Variants in ERICH3 observed in about 807,000 individuals in gnomAD.
ERICH3 encodes the protein glutamate rich 3, also known as glutamate-rich protein 3.
Under a neutral mutation model 131.1 loss-of-function variants are expected in ERICH3, and 126 were observed. That is an observed-to-expected ratio of 0.96 (90% CI 0.83 to 1.11). The LOEUF is 1.11. Ranked by LOEUF, ERICH3 falls within the 50% of genes most tolerant of loss-of-function variation. The probability of loss-of-function intolerance (pLI) is 0.00; values close to 1 mark genes in which losing one functional copy is unlikely to be tolerated. For synonymous variants in ERICH3, 695 were observed against 644.6 expected, an observed-to-expected ratio of 1.08 and a Z score of -1.18; for missense variants, 2,050 against 1,810.7, an observed-to-expected ratio of 1.13 and a Z score of -2.40.
At chr1:74,635,725 A>C (rs1178827356) in intron 6 of ERICH3, among the ~76,000 whole-genome samples, 1 of 152,126 alleles carries the variant, frequency 6.6e-6, no homozygotes. Context: ...AATAAGGGAA[A>C]ATTATCTGAG....
intron 1 of ERICH3, among the ~76,000 whole-genome samples, chr1:74,666,614 G>A (rs960542614): frequency 6.6e-6 from 1 of 152,146 alleles, no homozygotes; most frequent in Non-Finnish European, 1.5e-5. Flanking sequence ...TGAAGGATGT[G>A]TTTCTTTACT....
intron 1 of ERICH3, among the ~76,000 whole-genome samples, chr1:74,671,306 G>C (rs1181552156): frequency 6.6e-6 from 1 of 151,932 alleles, no homozygotes; most frequent in Non-Finnish European, 1.5e-5. Flanking sequence ...TTCTGCTTTT[G>C]CCCTTTGTCC....
At chr1:74,583,825 C>T (rs1477917397) in intron 12 of ERICH3, among the ~76,000 whole-genome samples, 1 of 152,122 alleles carries the variant, frequency 6.6e-6, no homozygotes, top group Non-Finnish European at 1.5e-5. Flanking sequence ...TTTTACATTT[C>T]CTATCGTGTA....
Position 74,570,299 on chromosome 1 carries a change from A to C in ERICH3, c.*159T>G, listed in dbSNP as rs1379056225. ...CAAGGTGCTTACTGAGCTACTGACC[A>C]GGGCTGACAGATTGGGAATCATCTC... On this transcript the variant is annotated 3_prime_UTR_variant, in exon 15 of 15. Transcript: ENST00000326665. 1 of 152,256 alleles carries C rather than the reference A, an allele frequency of 6.6e-6. No individual in the cohort carries two copies. Among genetic ancestry groups the C allele is most frequent in the Non-Finnish European group, 1.5e-5 (1 of 68,044 alleles). The allele number at this position is 152,256 out of a possible 1,614,324, so 9.4% of individuals were successfully genotyped here.
intron 10 of ERICH3, among the ~76,000 whole-genome samples, chr1:74,601,017 G>A (rs1472561458): frequency 6.6e-6 from 1 of 151,532 alleles, no homozygotes; most frequent in Non-Finnish European, 1.5e-5. Flanking sequence ...AAATACAGAG[G>A]ATGAGGGAGA....
rs776706285 is a variant in ERICH3, at chr1:74,636,253, A to G, written c.603+27T>C. ...TAATAATCTACTCAAAAATTAAAAT[A>G]TATTTATTGATAAAAATAACATTTA... On this transcript the variant is annotated intron_variant, in intron 6 of 14. Transcript: ENST00000326665. 6 of 1,540,490 alleles carry G rather than the reference A, an allele frequency of 3.9e-6. No individual in the cohort carries two copies. In the South Asian group the frequency reaches 7.5e-5, roughly 19 times the overall value.
chr1:74,641,761 C>T (rs921424596), intron 4 of ERICH3, among the ~76,000 whole-genome samples: 4 of 151,984 alleles, frequency 2.6e-5, no homozygotes, highest in African/African-American at 7.3e-5. Context: ...AGTAGACTAC[C>T]AGAAATAGTA....
intron 11 of ERICH3, among the ~76,000 whole-genome samples, chr1:74,591,343 G>A (rs1303357225): frequency 6.6e-6 from 1 of 152,160 alleles, no homozygotes; most frequent in Non-Finnish European, 1.5e-5. Flanking sequence ...GATCCCATGG[G>A]CACTTCTGAC....
intron 12 of ERICH3, among the ~76,000 whole-genome samples, chr1:74,580,395 A>G (rs993098687): frequency 6.6e-6 from 1 of 152,196 alleles, no homozygotes; most frequent in Non-Finnish European, 1.5e-5. Context: ...TTTAAACACT[A>G]CTTATAATCA....
In ERICH3 at chr1:74,615,050, G is replaced by A. The variant is rs567317470; in HGVS notation, c.1001-2241C>T. Among the ~76,000 whole-genome samples the A allele has an allele frequency of 5.9e-5, 9 of 152,300 alleles. No homozygotes were observed. In the East Asian group the frequency reaches 1.7e-3, roughly 29 times the overall value. ...AAAGGGCTCAGGAAATCAACCCCTA[G>A]AAGTGACTGCCCTTCCATCGGATGC... On this transcript the variant is annotated intron_variant, in intron 8 of 14. Coordinates refer to ENST00000326665, the MANE Select transcript of ERICH3 (RefSeq NM_001002912.5).
At chr1:74,659,025 T>C (rs1646613767) in intron 1 of ERICH3, among the ~76,000 whole-genome samples, 1 of 152,156 alleles carries the variant, frequency 6.6e-6, no homozygotes. Context: ...GCCTGTGCTC[T>C]GAAAGGAAAA....
chr1:74,664,018 A>T (rs1294655586), intron 1 of ERICH3, among the ~76,000 whole-genome samples: 1 of 152,142 alleles, frequency 6.6e-6, no homozygotes, highest in East Asian at 1.9e-4. Flanking sequence ...TGCAATTTAC[A>T]TGGGAGATAT....
intron 12 of ERICH3, chr1:74,589,375 C>T (rs2100560361): frequency 1.8e-6 from 1 of 545,548 alleles, no homozygotes; most frequent in Non-Finnish European, 3.2e-6. Flanking sequence ...AGATGGAATT[C>T]CCATAGGAGG....
At chr1:74,591,827 A>G (rs1283812045) in intron 11 of ERICH3, 1 of 152,118 alleles carries the variant, frequency 6.6e-6, no homozygotes, top group Non-Finnish European at 1.5e-5. Flanking sequence ...TGTTTTTTTT[A>G]TACTTCCAAA....
At chr1:74,654,463 G>C (rs543808534) in intron 1 of ERICH3, among the ~76,000 whole-genome samples, 1 of 152,072 alleles carries the variant, frequency 6.6e-6, no homozygotes. Context: ...CCATAGCCTA[G>C]GTAGCTTAAA....
chr1:74,636,923 A>G (rs1451511793), intron 5 of ERICH3, among the ~76,000 whole-genome samples: 1 of 152,246 alleles, frequency 6.6e-6, no homozygotes, highest in Non-Finnish European at 1.5e-5. Context: ...AGACAGTATA[A>G]TTCAAACAAA....
chr1:74,614,367 T>TA (rs58516429), intron 8 of ERICH3, among the ~76,000 whole-genome samples: 7,127 of 114,868 alleles, frequency 0.062, 261 homozygotes, highest in Middle Eastern at 0.12. Flanking sequence ...ATTTTTTCCC[T>TA]AAAAAAAAAA....
In ERICH3 at chr1:74,580,288, T is replaced by C. The variant is rs375839214; in HGVS notation, c.2177-3352A>G. Among the ~76,000 whole-genome samples the C allele has an allele frequency of 1.9e-4, 29 of 152,116 alleles. 1 individual carries two copies. In the East Asian group the frequency reaches 4.8e-3, roughly 25 times the overall value. Reference sequence around the variant, plus strand: ...TCATTAAATTTAAAAGACTCTTCAATAACACATAAAACATTATAATAAAGT... The same window carrying C: ...TCATTAAATTTAAAAGACTCTTCAACAACACATAAAACATTATAATAAAGT... On this transcript the variant is annotated intron_variant, in intron 12 of 14. Transcript: ENST00000326665.
At chr1:74,672,470 T>C (rs1449819748) in intron 1 of ERICH3, among the ~76,000 whole-genome samples, 1 of 152,224 alleles carries the variant, frequency 6.6e-6, no homozygotes, top group Non-Finnish European at 1.5e-5. Context: ...TTTACGCCAT[T>C]ACACTCAGAG....
Sources: gnomAD v4.1 joint callset for allele counts (sites outside exome capture counted in the v4.1 genomes callset) on GRCh38, gnomAD v4.1.1 for gene constraint, MANE v1.5 for transcripts, NCBI Gene and HGNC (gene_info 2026-07-23, HGNC 2026-07-21) for gene names.